Variants in GRIA3 observed in about 807,000 individuals in gnomAD.
GRIA3 encodes glutamate ionotropic receptor AMPA type subunit 3.
In GRIA3, 3 loss-of-function variants were observed where a neutral mutation model predicts 63.0. That is an observed-to-expected ratio of 0.05 (90% confidence interval 0.02 to 0.12). GRIA3 has a LOEUF of 0.12. GRIA3 is among the 10% of genes least tolerant of loss of function. The pLI, the probability that GRIA3 is intolerant of heterozygous loss-of-function variation, is 1.00. For synonymous variants in GRIA3, 274 were observed against 257.9 expected (o/e 1.06, Z -0.60); for missense variants, 347 against 700.9 (o/e 0.50, Z 5.70).
intron 4 of GRIA3, among the ~76,000 whole-genome samples, chrX:123,349,563 A>G (rs1021329923): frequency 3.6e-4 from 41 of 112,666 alleles, no homozygotes; most frequent in African/African-American, 1.3e-3. Context: ...AGCATTGATG[A>G]GATTCCTCGG....
At chrX:123,395,214 T>C in intron 6 of GRIA3, 85 bp downstream of exon 6, 1 of 823,644 alleles carries the variant, frequency 1.2e-6, no homozygotes, top group Non-Finnish European at 1.8e-6. Flanking sequence ...AGTCATCTTA[T>C]GATCAAGTGA....
chrX:123,424,979 T>A (rs764584759), intron 11 of GRIA3, among the ~76,000 whole-genome samples: 4 of 112,005 alleles, frequency 3.6e-5, no homozygotes, highest in Non-Finnish European at 7.5e-5. Context: ...CATATCAAAC[T>A]GTGATTCTGG....
intron 5 of GRIA3, among the ~76,000 whole-genome samples, chrX:123,373,523 C>T (rs2045263028): frequency 8.9e-6 from 1 of 111,751 alleles, no homozygotes; most frequent in Non-Finnish European, 1.9e-5. Context: ...TCTCCAGCAC[C>T]TGTTGTTTTA....
Position 123,383,998 on chromosome X carries a change from C to T in GRIA3, c.751-10970C>T, listed in dbSNP as rs111324065. 7.5e-3 allele frequency among the ~76,000 whole-genome samples: 832 copies of T among 111,202 alleles called. 8 individuals carry two copies. Among genetic ancestry groups the T allele is most frequent in the African/African-American group, 0.023 (689 of 30,551 alleles). On this transcript the variant is annotated intron_variant, in intron 5 of 15. Coordinates refer to ENST00000620443, the MANE Select transcript of GRIA3 (RefSeq NM_007325.5). ...TCCTGTGTTAGTTGGCTAAGGATAA[C>T]GGCCTCCAGCTCCATCCATATTCCT... is the stretch of plus-strand genomic sequence containing the variant.
At chrX:123,439,469 G>C (rs1441643885) in intron 12 of GRIA3, among the ~76,000 whole-genome samples, 1 of 111,253 alleles carries the variant, frequency 9.0e-6, no homozygotes, top group Non-Finnish European at 1.9e-5. Context: ...TTAATTCCCA[G>C]TTTTATCAAA....
At chrX:123,449,424 T>A (rs1050619725) in intron 12 of GRIA3, among the ~76,000 whole-genome samples, 3 of 112,316 alleles carry the variant, frequency 2.7e-5, no homozygotes, top group East Asian at 5.6e-4. Context: ...AATCATTTCA[T>A]GAAGTCAACC....
chrX:123,409,397 A>G (rs908572454), intron 10 of GRIA3, among the ~76,000 whole-genome samples: 6 of 112,293 alleles, frequency 5.3e-5, no homozygotes, highest in South Asian at 7.4e-4. Flanking sequence ...TGATTTATAA[A>G]TAGGTTTTTT....
intron 2 of GRIA3, among the ~76,000 whole-genome samples, chrX:123,208,240 A>C (rs980848444): frequency 8.9e-6 from 1 of 112,003 alleles, no homozygotes; most frequent in South Asian, 3.8e-4. Context: ...ATTTGAAAAG[A>C]ATATTACCAG....
chrX:123,360,116 A>T (rs1202756446), intron 5 of GRIA3, among the ~76,000 whole-genome samples: 1 of 111,527 alleles, frequency 9.0e-6, no homozygotes, highest in Non-Finnish European at 1.9e-5. Flanking sequence ...CCTTTTACAT[A>T]TCAGAAAATG....
chrX:123,314,957 A>G (rs1023417967), intron 3 of GRIA3, among the ~76,000 whole-genome samples: 3 of 112,151 alleles, frequency 2.7e-5, no homozygotes, highest in African/African-American at 9.7e-5. Flanking sequence ...ATATTAAAAC[A>G]TACATCCTTC....
intron 6 of GRIA3, 76 bp from the exon 7 acceptor site, chrX:123,398,560 G>GA (rs2045426612): frequency 2.4e-6 from 2 of 841,608 alleles, no homozygotes; most frequent in Admixed American, 4.8e-5. Context: ...AGAAATGAAT[G>GA]AAAATTATAA....
intron 3 of GRIA3, among the ~76,000 whole-genome samples, chrX:123,274,689 G>A (rs1362879472): frequency 8.9e-6 from 1 of 112,221 alleles, no homozygotes; most frequent in African/African-American, 3.2e-5. Context: ...AAACATCAAG[G>A]TGGGATGGAG....
Position 123,280,203 on chromosome X carries a change from T to C in GRIA3, c.508+26661T>C, listed in dbSNP as rs768493557. On this transcript the variant is annotated intron_variant, in intron 3 of 15. Coordinates refer to ENST00000620443, the MANE Select transcript of GRIA3 (RefSeq NM_007325.5). ...CATTCATCACTTTCTTGATTCTCAA[T>C]CACAGCCACACTCCTGAGTTCATCT... Among the ~76,000 whole-genome samples the C allele has an allele frequency of 3.6e-5, 4 of 112,120 alleles. No homozygotes were observed. The Admixed American group carries it at 3.8e-4, about 11-fold the overall frequency.
At position 123,403,023 on chromosome X, in the gene GRIA3, T is replaced by C. The variant is rs753388748; in HGVS notation, c.1110T>C (p.Ile370=). ...AAGTACAAGGAATGACTGGAAATAT[T>C]CAATTTGACACTTATGGACGTAGGA... is the stretch of plus-strand genomic sequence containing the variant. ...MVQVQGMTGN[I]QFDTYGRRTN... Residue 370 remains isoleucine, a synonymous_variant, in exon 8 of 16, where the codon ATT becomes ATC. Transcript: ENST00000620443. 13 of 1,164,884 alleles carry C rather than the reference T, an allele frequency of 1.1e-5. No individual in the cohort carries two copies. In the South Asian group the frequency reaches 2.0e-4, roughly 18 times the overall value.
intron 4 of GRIA3, among the ~76,000 whole-genome samples, chrX:123,329,312 T>C (rs1293649301): frequency 3.6e-5 from 4 of 112,201 alleles, no homozygotes; most frequent in Admixed American, 2.8e-4. Context: ...TTAATAAAAA[T>C]GCCTCAATGT....
chrX:123,220,503 C>G lies in GRIA3; in HGVS notation c.269-32800C>G, dbSNP rs1443492805. The stretch of plus-strand genomic sequence containing the variant: ...TATACAATGAGTTTCTGCTTGCTGT[C>G]CTTATGTGTATCTTAAGAAATAACT... On this transcript the variant is annotated intron_variant, in intron 2 of 15. Coordinates refer to ENST00000620443, the MANE Select transcript of GRIA3 (RefSeq NM_007325.5). Among the ~76,000 whole-genome samples, 3 of 111,693 alleles carry G rather than the reference C, an allele frequency of 2.7e-5. No homozygotes were observed. In the East Asian group the frequency reaches 8.5e-4, roughly 32 times the overall value.
At chrX:123,426,907 G>T (rs772803213) in intron 11 of GRIA3, among the ~76,000 whole-genome samples, 1 of 111,894 alleles carries the variant, frequency 8.9e-6, no homozygotes, top group South Asian at 3.7e-4. Context: ...CCAGGAGGAT[G>T]ATTTTGTTTT....
intron 13 of GRIA3, among the ~76,000 whole-genome samples, chrX:123,471,990 CATATATATATATATATAT>C (rs760824587): frequency 7.5e-5 from 1 of 13,415 alleles, no homozygotes; most frequent in Non-Finnish European, 1.6e-4. Context: ...CAATGGCATT[CATATATATATATATATAT>C]ATATATATAT....
At chrX:123,310,944 A>T (rs1022016977) in intron 3 of GRIA3, among the ~76,000 whole-genome samples, 3 of 109,244 alleles carry the variant, frequency 2.7e-5, no homozygotes, top group Non-Finnish European at 3.8e-5. Context: ...TAGAGGTTGC[A>T]GTGAGCCGAG....
Sources: gnomAD v4.1 joint callset for allele counts (sites outside exome capture counted in the v4.1 genomes callset) on GRCh38, gnomAD v4.1.1 for gene constraint, MANE v1.5 for transcripts, NCBI Gene and HGNC (gene_info 2026-07-23, HGNC 2026-07-21) for gene names.